Variants in TEX9 observed in about 807,000 individuals in gnomAD.
TEX9 encodes the protein testis-expressed protein 9.
A neutral mutation model predicts 59.6 loss-of-function variants in TEX9; 74 were observed. The ratio of observed to expected loss-of-function variants is 1.24; its 90% confidence interval spans 1.03 to 1.51. The LOEUF is 1.51. TEX9 is among the 40% of genes most tolerant of loss of function. The probability of loss-of-function intolerance (pLI) is 0.00; values close to 1 mark genes in which losing one functional copy is unlikely to be tolerated. For missense variants in TEX9, 522 were observed against 447.8 expected, an observed-to-expected ratio of 1.17 and a Z score of -1.49; for synonymous variants, 186 against 152.2, an observed-to-expected ratio of 1.22 and a Z score of -1.64.
intron 1 of TEX9, among the ~76,000 whole-genome samples, chr15:56,267,097 T>C (rs1442691753): frequency 6.6e-6 from 1 of 152,246 alleles, no homozygotes; most frequent in Non-Finnish European, 1.5e-5. Flanking sequence ...GATTTTTTCA[T>C]GTGTCTGTTC....
chr15:56,272,157 T>A (rs901207876), intron 1 of TEX9, among the ~76,000 whole-genome samples: 9 of 130,208 alleles, frequency 6.9e-5, no homozygotes, highest in African/African-American at 1.1e-4. Context: ...AAAAAAAAAA[T>A]GTACAATTTA....
chr15:56,358,191 G>T (rs1371928371), intron 1 of TEX9, among the ~76,000 whole-genome samples: 1 of 152,094 alleles, frequency 6.6e-6, no homozygotes, highest in Admixed American at 6.6e-5. Flanking sequence ...GTTCCCTGGG[G>T]CATTTTCTCA....
chr15:56,338,223 A>T (rs1302826350), intron 1 of TEX9, among the ~76,000 whole-genome samples: 2 of 152,238 alleles, frequency 1.3e-5, no homozygotes, highest in Admixed American at 1.3e-4. Flanking sequence ...TACAGGAAGC[A>T]CTTAGAGTAT....
At chr15:56,460,003 A>ATATATATATATATATAT in the TEX9 span, among the ~76,000 whole-genome samples, 29 of 32,846 alleles carry the variant, frequency 8.8e-4, 1 homozygote, top group African/African-American at 2.8e-3. Context: ...AAAAAAAAAA[A>ATATATATATATATATAT]AAAAAAATAC....
At chr15:56,411,803 T>C (rs2049363891) in intron 9 of TEX9, among the ~76,000 whole-genome samples, 1 of 152,202 alleles carries the variant, frequency 6.6e-6, no homozygotes, top group Admixed American at 6.5e-5. Flanking sequence ...AAATAATCTA[T>C]AAGATCTGTT....
intron 10 of TEX9, among the ~76,000 whole-genome samples, chr15:56,420,831 T>C (rs1201587311): frequency 1.3e-5 from 2 of 151,998 alleles, no homozygotes; most frequent in Non-Finnish European, 2.9e-5. Context: ...GTTTGTCATT[T>C]CATTTTTCAA....
rs568246501 is a variant in TEX9, at chr15:56,260,771, G to A, written c.-107+16493G>A. 2.6e-5 allele frequency among the ~76,000 whole-genome samples: 4 copies of A among 152,046 alleles called. No homozygotes were observed. In the East Asian group the frequency reaches 5.8e-4, roughly 22 times the overall value. On this transcript the variant is annotated intron_variant, in intron 1 of 5. Transcript: ENST00000560827. Reference sequence around the variant, plus strand: ...GTTCTAGCCTCAAAAAAATGAATTAGGAGGAAGCGTTTTTTCTTTCTTTCC... The same window carrying A: ...GTTCTAGCCTCAAAAAAATGAATTAAGAGGAAGCGTTTTTTCTTTCTTTCC...
At chr15:56,284,267 G>A (rs1338629044) in intron 1 of TEX9, among the ~76,000 whole-genome samples, 5 of 152,190 alleles carry the variant, frequency 3.3e-5, no homozygotes, top group South Asian at 4.2e-4. Flanking sequence ...ACAGTGCTAG[G>A]ATTACAGGCG....
rs1307580669 is a variant in TEX9, at chr15:56,357,405, C to T, written c.-106-16036C>T. Among the ~76,000 whole-genome samples, 4 of 152,042 alleles carry T rather than the reference C, an allele frequency of 2.6e-5. No individual in the cohort carries two copies. The East Asian group carries it at 5.8e-4, about 22-fold the overall frequency. ...CTTTGGTGTTTTGGCATTATGACAG[C>T]TCCAGGAATATATTTAAAAATTTAT... is the stretch of plus-strand genomic sequence containing the variant. On this transcript the variant is annotated intron_variant, in intron 1 of 5. Transcript: ENST00000560827.
At chr15:56,426,560 GTGT>G (rs1567141496) in intron 10 of TEX9, among the ~76,000 whole-genome samples, 2 of 27,348 alleles carry the variant, frequency 7.3e-5, no homozygotes, top group Non-Finnish European at 8.8e-5. Context: ...TTTTAAAGAG[GTGT>G]TTTTTTTTTT....
At chr15:56,305,911 A>T (rs1366517791) in intron 1 of TEX9, among the ~76,000 whole-genome samples, 4 of 152,224 alleles carry the variant, frequency 2.6e-5, no homozygotes, top group Non-Finnish European at 5.9e-5. Flanking sequence ...TAAGAAGGTC[A>T]AATAACTCAA....
exon 1 of TEX9, chr15:56,365,466 C>G (rs578076020): frequency 2.5e-6 from 4 of 1,613,578 alleles, no homozygotes; most frequent in Non-Finnish European, 3.4e-6. Flanking sequence ...GGGGCGAAGT[C>G]TGTGTCTCAC....
chr15:56,260,100 T>C (rs1454246507), intron 1 of TEX9, among the ~76,000 whole-genome samples: 1 of 152,142 alleles, frequency 6.6e-6, no homozygotes, highest in Non-Finnish European at 1.5e-5. Flanking sequence ...TGATTTTGTA[T>C]TCAGTGACTT....
chr15:56,291,586 C>T (rs1262925339), intron 1 of TEX9, among the ~76,000 whole-genome samples: 4 of 152,146 alleles, frequency 2.6e-5, no homozygotes, highest in Non-Finnish European at 5.9e-5. Context: ...AGTCTACTCT[C>T]TTAGCATTAT....
chr15:56,414,304 T>C (rs959355056), intron 10 of TEX9, among the ~76,000 whole-genome samples: 9 of 151,622 alleles, frequency 5.9e-5, no homozygotes, highest in Non-Finnish European at 1.0e-4. Flanking sequence ...GGTAAACAGG[T>C]GTCATGGGGG....
chr15:56,298,314 C>G (rs1355342440), intron 1 of TEX9, among the ~76,000 whole-genome samples: 1 of 152,126 alleles, frequency 6.6e-6, no homozygotes, highest in Non-Finnish European at 1.5e-5. Context: ...AAATATCTCC[C>G]TTTAAAAAGT....
intron 1 of TEX9, among the ~76,000 whole-genome samples, chr15:56,357,058 C>T (rs187556360): frequency 6.6e-6 from 1 of 152,170 alleles, no homozygotes; most frequent in Non-Finnish European, 1.5e-5. Flanking sequence ...TCACTGTTTC[C>T]TGAGATAGAG....
rs561576382 is a variant in TEX9, at chr15:56,316,824, C to G, written c.-106-56617C>G. ...GAGACTCCGTGAGCGTAGGACCCTC[C>G]AAGCCAGGTGCGGGATATAATCTCG... On this transcript the variant is annotated intron_variant, in intron 1 of 5. Transcript: ENST00000560827. Among the ~76,000 whole-genome samples, 155 of 152,294 alleles carry G rather than the reference C, an allele frequency of 1.0e-3. 1 individual carries two copies. The highest frequency in any genetic ancestry group is 3.7e-3 in the African/African-American group (154 of 41,550).
intron 1 of TEX9, among the ~76,000 whole-genome samples, chr15:56,325,993 T>C (rs992373096): frequency 2.0e-5 from 3 of 152,188 alleles, no homozygotes; most frequent in Admixed American, 2.0e-4. Context: ...CCAGGTATCA[T>C]TGGTTAGAAA....
Sources: gnomAD v4.1 joint callset for allele counts (sites outside exome capture counted in the v4.1 genomes callset) on GRCh38, gnomAD v4.1.1 for gene constraint, MANE v1.5 for transcripts, NCBI Gene and HGNC (gene_info 2026-07-23, HGNC 2026-07-21) for gene names.